The following ASTN1 variants were observed in gnomAD, a reference collection of about 807,000 sequenced individuals.
The protein encoded by ASTN1 is astrotactin 1, also known as astrotactin-1.
ASTN1 carries 41 observed loss-of-function variants against 140.7 expected under a neutral mutation model. The ratio of observed to expected loss-of-function variants is 0.29; its 90% confidence interval spans 0.23 to 0.38. The LOEUF is 0.38. Ranked by LOEUF, ASTN1 falls within the 10% of genes least tolerant of loss-of-function variation. The pLI, the probability that ASTN1 is intolerant of heterozygous loss-of-function variation, is 1.00. For synonymous variants in ASTN1, 640 were observed against 652.2 expected (o/e 0.98, Z 0.29); for missense variants, 1,479 against 1,678.8 (o/e 0.88, Z 2.08).
intron 3 of ASTN1, among the ~76,000 whole-genome samples, chr1:177,031,710 A>G (rs1314271949): frequency 6.6e-6 from 1 of 152,244 alleles, no homozygotes; most frequent in African/African-American, 2.4e-5. Context: ...CTCAAAGATA[A>G]TTGGGCAGTT....
chr1:176,861,867 G>T lies in ASTN1; in HGVS notation c.*2417C>A. ...CTGAGGGAAAGATAGGAGAGAGGAA[G>T]ATAGTGTGCCTAAAATAAAAACAGA... is the stretch of plus-strand genomic sequence containing the variant. On this transcript the variant is annotated 3_prime_UTR_variant, in exon 23 of 23. Transcript: ENST00000361833. The T allele has an allele frequency of 1.0e-6, 1 of 983,128 alleles. No individual in the cohort carries two copies. The highest frequency in any genetic ancestry group is 1.2e-6 in the Non-Finnish European group (1 of 827,946). The allele number at this position is 983,128 out of a possible 1,614,324, so 60.9% of individuals were successfully genotyped here. A position where few individuals can be genotyped will look rare whatever the true frequency, so the allele number is the denominator to read the frequency against.
At chr1:177,013,259 T>C (rs1315719016) in intron 8 of ASTN1, among the ~76,000 whole-genome samples, 1 of 152,212 alleles carries the variant, frequency 6.6e-6, no homozygotes, top group Non-Finnish European at 1.5e-5. Context: ...AAAAATTTCA[T>C]GGCGTTTTGA....
At chr1:177,073,937 G>A (rs894704171) in intron 1 of ASTN1, among the ~76,000 whole-genome samples, 2 of 151,488 alleles carry the variant, frequency 1.3e-5, no homozygotes, top group African/African-American at 4.9e-5. Context: ...TTAGTGACAA[G>A]AATAACCTTT....
intron 1 of ASTN1, among the ~76,000 whole-genome samples, chr1:177,161,700 G>C (rs1647381914): frequency 6.6e-6 from 1 of 152,160 alleles, no homozygotes; most frequent in South Asian, 2.1e-4. Flanking sequence ...TGAAGTGACA[G>C]GACTTGATCC....
At chr1:177,154,348 A>T (rs1409922595) in intron 1 of ASTN1, among the ~76,000 whole-genome samples, 2 of 152,172 alleles carry the variant, frequency 1.3e-5, no homozygotes, top group African/African-American at 2.4e-5. Flanking sequence ...TAGCCACATG[A>T]AGTTATTTAA....
chr1:176,888,549 A>T (rs1177991475), intron 17 of ASTN1, among the ~76,000 whole-genome samples: 2 of 151,950 alleles, frequency 1.3e-5, no homozygotes, highest in East Asian at 1.9e-4. Context: ...CGCCTCTACC[A>T]CACATCTTCT....
intron 1 of ASTN1, among the ~76,000 whole-genome samples, chr1:177,071,590 C>G (rs1180587050): frequency 6.6e-6 from 1 of 152,140 alleles, no homozygotes; most frequent in Non-Finnish European, 1.5e-5. Flanking sequence ...CTTGCTGACC[C>G]TGAGCACTGC....
chr1:176,912,996 C>T (rs1270808086), intron 16 of ASTN1, among the ~76,000 whole-genome samples: 1 of 152,200 alleles, frequency 6.6e-6, no homozygotes, highest in Non-Finnish European at 1.5e-5. Flanking sequence ...CATCCATGAT[C>T]CCACGGAAGG....
chr1:176,973,733 T>C (rs1446739265), intron 8 of ASTN1, among the ~76,000 whole-genome samples: 1 of 152,154 alleles, frequency 6.6e-6, no homozygotes, highest in Non-Finnish European at 1.5e-5. Context: ...TGCAAAGCTT[T>C]CACCACCACA....
intron 1 of ASTN1, among the ~76,000 whole-genome samples, chr1:177,142,315 A>G (rs924166604): frequency 2.0e-5 from 3 of 152,042 alleles, no homozygotes; most frequent in Admixed American, 6.5e-5. Context: ...CAGTTGTTAC[A>G]TGATATGCAA....
intron 8 of ASTN1, among the ~76,000 whole-genome samples, chr1:177,001,779 C>T (rs1174913375): frequency 1.3e-5 from 2 of 152,302 alleles, no homozygotes; most frequent in Non-Finnish European, 1.5e-5. Context: ...TATAATAATA[C>T]CAGGCATGCA....
intron 9 of ASTN1, among the ~76,000 whole-genome samples, chr1:176,960,946 A>T (rs986205053): frequency 6.6e-6 from 1 of 152,244 alleles, no homozygotes; most frequent in African/African-American, 2.4e-5. Context: ...CACCTGACTC[A>T]GAGCCCCTTG....
chr1:176,937,526 C>A (rs865921167), intron 14 of ASTN1, among the ~76,000 whole-genome samples: 11 of 151,892 alleles, frequency 7.2e-5, no homozygotes, highest in Admixed American at 7.2e-4. Flanking sequence ...AAGAGTGTCA[C>A]CCTGTTTGAA....
chr1:177,103,987 G>A (rs1339958755), intron 1 of ASTN1, among the ~76,000 whole-genome samples: 1 of 152,150 alleles, frequency 6.6e-6, no homozygotes, highest in African/African-American at 2.4e-5. Flanking sequence ...TGCTGCTTGG[G>A]AGTTAAAGGG....
chr1:177,138,809 T>G (rs1321461919), intron 1 of ASTN1, among the ~76,000 whole-genome samples: 1 of 152,196 alleles, frequency 6.6e-6, no homozygotes, highest in Admixed American at 6.5e-5. Flanking sequence ...ATCTTATTGG[T>G]GCCGAAAACT....
intron 1 of ASTN1, among the ~76,000 whole-genome samples, chr1:177,085,865 G>A (rs979757374): frequency 1.3e-5 from 2 of 152,044 alleles, no homozygotes; most frequent in South Asian, 4.2e-4. Context: ...GCCTTTTGTG[G>A]GAACTACAGA....
chr1:176,950,194 G>A (rs1390372206), intron 11 of ASTN1, among the ~76,000 whole-genome samples: 6 of 152,180 alleles, frequency 3.9e-5, no homozygotes, highest in Non-Finnish European at 7.3e-5. Flanking sequence ...ATGCCAGGCC[G>A]TGGTCTAAGG....
At chr1:177,097,908 C>T (rs960438679) in intron 1 of ASTN1, among the ~76,000 whole-genome samples, 2 of 152,166 alleles carry the variant, frequency 1.3e-5, no homozygotes, top group Admixed American at 1.3e-4. Flanking sequence ...CATTCAGGTG[C>T]TGAGAAGATA....
intron 1 of ASTN1, among the ~76,000 whole-genome samples, chr1:177,104,979 C>A (rs1680483582): frequency 6.6e-6 from 1 of 152,278 alleles, no homozygotes; most frequent in Non-Finnish European, 1.5e-5. Flanking sequence ...GACGGGCATT[C>A]CTCTACGACT....
Sources: allele counts gnomAD v4.1 joint callset (sites outside exome capture counted in the v4.1 genomes callset), GRCh38; gene constraint gnomAD v4.1.1; transcripts MANE v1.5; gene names NCBI Gene and HGNC (gene_info 2026-07-23, HGNC 2026-07-21).